Variants in SPAG16 observed in about 807,000 individuals in gnomAD.
SPAG16 encodes the protein sperm associated antigen 16, also known as sperm-associated antigen 16 protein.
Under a neutral mutation model 80.4 loss-of-function variants are expected in SPAG16, and 86 were observed. The observed-to-expected ratio is 1.07, with a 90% confidence interval of 0.90 to 1.28. The LOEUF (loss-of-function observed/expected upper bound fraction) is 1.28. SPAG16 is among the 50% of genes most tolerant of loss of function. The pLI, the probability that SPAG16 is intolerant of heterozygous loss-of-function variation, is 0.00. For missense variants in SPAG16, 870 were observed against 765.3 expected, an observed-to-expected ratio of 1.14 and a Z score of -1.61; for synonymous variants, 294 against 265.9, an observed-to-expected ratio of 1.11 and a Z score of -1.03.
At chr2:214,242,503 T>C (rs929800480) in intron 15 of SPAG16, among the ~76,000 whole-genome samples, 4 of 152,168 alleles carry the variant, frequency 2.6e-5, no homozygotes, top group African/African-American at 9.7e-5. Context: ...GAATTTGCAT[T>C]TTTTTCCAGT....
chr2:213,658,399 T>C (rs1047447643), intron 10 of SPAG16, among the ~76,000 whole-genome samples: 6 of 152,248 alleles, frequency 3.9e-5, no homozygotes, highest in East Asian at 1.9e-4. Flanking sequence ...GTAGTCCTTA[T>C]CACATTTTTA....
intron 9 of SPAG16, among the ~76,000 whole-genome samples, chr2:213,443,263 T>C (rs982702112): frequency 1.3e-5 from 2 of 152,216 alleles, no homozygotes; most frequent in African/African-American, 4.8e-5. Context: ...TGTAGATTAA[T>C]TCATCCTATA....
At chr2:214,177,934 TGGCCAGAATTGTTATATCTAACTTC>T (rs2057162221) in intron 15 of SPAG16, among the ~76,000 whole-genome samples, 1 of 126,228 alleles carries the variant, frequency 7.9e-6, no homozygotes, top group African/African-American at 3.0e-5. Context: ...TATATATATA[TGGCCAGAATTGTTATATCTAACTTC>T]ACAAAGTGTA....
chr2:213,413,740 A>T (rs1342301563), intron 9 of SPAG16, among the ~76,000 whole-genome samples: 2 of 152,198 alleles, frequency 1.3e-5, no homozygotes, highest in Admixed American at 6.5e-5. Flanking sequence ...AAAAATGGAA[A>T]TACGTGATAC....
intron 12 of SPAG16, among the ~76,000 whole-genome samples, chr2:213,932,237 A>G (rs2078794953): frequency 7.0e-6 from 1 of 143,380 alleles, no homozygotes; most frequent in Admixed American, 7.2e-5. Flanking sequence ...TTAAGACTGA[A>G]TCTTGTTCTG....
intron 5 of SPAG16, among the ~76,000 whole-genome samples, chr2:213,325,856 A>G (rs1456187885): frequency 6.6e-6 from 1 of 151,908 alleles, no homozygotes; most frequent in Non-Finnish European, 1.5e-5. Context: ...TTTTGTGTTC[A>G]CTATACCCAC....
intron 10 of SPAG16, among the ~76,000 whole-genome samples, chr2:213,805,557 G>A (rs756692969): frequency 1.8e-4 from 28 of 152,110 alleles, no homozygotes; most frequent in Non-Finnish European, 3.5e-4. Context: ...GGGTGTTGTC[G>A]AAACTGTAGC....
chr2:213,326,121 A>G (rs1356477114), intron 5 of SPAG16, among the ~76,000 whole-genome samples: 1 of 152,024 alleles, frequency 6.6e-6, no homozygotes, highest in Non-Finnish European at 1.5e-5. Context: ...GGCTTTGTTG[A>G]GAGCCCTGAA....
At chr2:214,408,358 G>C (rs1444921860) in intron 15 of SPAG16, among the ~76,000 whole-genome samples, 1 of 152,072 alleles carries the variant, frequency 6.6e-6, no homozygotes, top group African/African-American at 2.4e-5. Flanking sequence ...ATAGAGTGAG[G>C]TTGGAAGTGA....
intron 14 of SPAG16, among the ~76,000 whole-genome samples, chr2:214,127,682 T>C (rs1420805559): frequency 6.6e-6 from 1 of 151,928 alleles, no homozygotes; most frequent in African/African-American, 2.4e-5. Flanking sequence ...CCATAGCTCA[T>C]GAAGATCTAG....
In SPAG16 at chr2:213,296,082, C is replaced by T. The variant is rs1448931560; in HGVS notation, c.155C>T (p.Ala52Val). Residue 52 changes from alanine to valine, a missense_variant, in exon 2 of 16, where the codon GCA becomes GTA. Physicochemically the swap from Ala to Val is moderately conservative, Grantham distance 64. Coordinates refer to ENST00000331683, the MANE Select transcript of SPAG16 (RefSeq NM_024532.5). ...TATTCAGAGGTCACCATAACTGAAG[C>T]ATCTGAAGATGACTATGAATATGAA... ...YYLEQVTITE[A>V]SEDDYEYEEI... The T allele has an allele frequency of 1.2e-6, 2 of 1,609,550 alleles. No individual in the cohort carries two copies. Among genetic ancestry groups the T allele is most frequent in the Non-Finnish European group, 1.7e-6 (2 of 1,176,632 alleles).
intron 10 of SPAG16, among the ~76,000 whole-genome samples, chr2:213,802,859 G>T (rs778504838): frequency 6.6e-6 from 1 of 151,666 alleles, no homozygotes; most frequent in African/African-American, 2.4e-5. Context: ...GAAAAAAAAA[G>T]TAGACTAAAA....
chr2:213,740,519 C>T (rs754205788), intron 10 of SPAG16, among the ~76,000 whole-genome samples: 8 of 152,152 alleles, frequency 5.3e-5, no homozygotes, highest in South Asian at 4.1e-4. Context: ...TGGTAGATTG[C>T]GTTGTAGTTC....
chr2:214,098,436 A>G (rs1378170835), intron 13 of SPAG16, among the ~76,000 whole-genome samples: 2 of 152,042 alleles, frequency 1.3e-5, no homozygotes. Flanking sequence ...GCCCAAATGC[A>G]ATATGACTAG....
intron 15 of SPAG16, among the ~76,000 whole-genome samples, chr2:214,195,173 G>A (rs528996144): frequency 6.6e-6 from 1 of 152,050 alleles, no homozygotes; most frequent in South Asian, 2.1e-4. Flanking sequence ...CCAGGCACAA[G>A]GAATGATGTG....
intron 15 of SPAG16, among the ~76,000 whole-genome samples, chr2:214,302,535 C>T (rs1439260760): frequency 2.6e-5 from 4 of 152,186 alleles, no homozygotes; most frequent in Non-Finnish European, 4.4e-5. Flanking sequence ...GGCTGGAGTG[C>T]AGTGGCACCA....
intron 10 of SPAG16, among the ~76,000 whole-genome samples, chr2:213,801,830 G>A (rs1030399373): frequency 6.6e-6 from 1 of 152,182 alleles, no homozygotes; most frequent in East Asian, 1.9e-4. Flanking sequence ...AGTTTCTGAC[G>A]ATTGTTGTGG....
chr2:213,676,265 G>A (rs1374413824), intron 10 of SPAG16, among the ~76,000 whole-genome samples: 1 of 152,164 alleles, frequency 6.6e-6, no homozygotes, highest in African/African-American at 2.4e-5. Flanking sequence ...TTGCTTATCA[G>A]CTTAACGAGA....
intron 15 of SPAG16, among the ~76,000 whole-genome samples, chr2:214,263,046 A>ATAGT (rs1176530789): frequency 2.0e-5 from 3 of 151,760 alleles, no homozygotes; most frequent in Non-Finnish European, 4.4e-5. Context: ...CTATCACTTC[A>ATAGT]TAGTTACCTT....
Sources: allele counts gnomAD v4.1 joint callset (sites outside exome capture counted in the v4.1 genomes callset), GRCh38; gene constraint gnomAD v4.1.1; transcripts MANE v1.5; gene names NCBI Gene and HGNC (gene_info 2026-07-23, HGNC 2026-07-21).